Variants in LRMDA observed in about 807,000 individuals in gnomAD.
LRMDA encodes the protein leucine-rich melanocyte differentiation-associated protein.
A neutral mutation model predicts 29.8 loss-of-function variants in LRMDA; 18 were observed. The observed-to-expected ratio is 0.60, with a 90% CI of 0.42 to 0.90. The LOEUF is 0.90. Ranked by LOEUF, LRMDA falls within the 40% of genes least tolerant of loss-of-function variation. The pLI, the probability that LRMDA is intolerant of heterozygous loss-of-function variation, is 0.00. For synonymous variants in LRMDA, 125 were observed against 109.4 expected (o/e 1.14, Z -0.89); for missense variants, 273 against 273.9 (o/e 1.00, Z 0.02).
chr10:76,513,262 G>C (rs1843026199), intron 6 of LRMDA, among the ~76,000 whole-genome samples: 1 of 152,138 alleles, frequency 6.6e-6, no homozygotes, highest in South Asian at 2.1e-4. Flanking sequence ...TTTAGAGTTA[G>C]TTTCAAACCC....
intron 2 of LRMDA, among the ~76,000 whole-genome samples, chr10:75,838,541 C>T (rs562663901): frequency 6.6e-6 from 1 of 152,142 alleles, no homozygotes; most frequent in Non-Finnish European, 1.5e-5. Flanking sequence ...GTCATCCAGA[C>T]TGTGAGTTCA....
intron 5 of LRMDA, among the ~76,000 whole-genome samples, chr10:76,117,718 C>G (rs1849691230): frequency 6.6e-6 from 1 of 152,180 alleles, no homozygotes; most frequent in Admixed American, 6.5e-5. Context: ...TAGGACCAAA[C>G]TTTTCTGTGA....
chr10:75,632,029 G>T (rs1351320642), intron 2 of LRMDA, among the ~76,000 whole-genome samples: 1 of 152,056 alleles, frequency 6.6e-6, no homozygotes, highest in African/African-American at 2.4e-5. Flanking sequence ...TATTTTGTTG[G>T]CTCCTAATAT....
chr10:76,411,108 A>G (rs1043183433), intron 6 of LRMDA, among the ~76,000 whole-genome samples: 3 of 152,212 alleles, frequency 2.0e-5, no homozygotes, highest in Admixed American at 6.5e-5. Flanking sequence ...CCATGAGAGG[A>G]AATTTTTATG....
At chr10:75,928,042 ACATCATCATCATCAT>A (rs3042520) in intron 2 of LRMDA, among the ~76,000 whole-genome samples, 71 of 150,836 alleles carry the variant, frequency 4.7e-4, no homozygotes, top group Middle Eastern at 3.4e-3. Flanking sequence ...TTTTAGTTTA[ACATCATCATCATCAT>A]CATCATCATC....
intron 5 of LRMDA, among the ~76,000 whole-genome samples, chr10:76,183,145 C>A (rs936827612): frequency 2.6e-5 from 4 of 152,168 alleles, no homozygotes; most frequent in Non-Finnish European, 5.9e-5. Context: ...CTTCACAGAG[C>A]AAACTTACCT....
intron 6 of LRMDA, among the ~76,000 whole-genome samples, chr10:76,369,752 G>A (rs142776128): frequency 1.5e-3 from 230 of 152,204 alleles, no homozygotes; most frequent in African/African-American, 5.3e-3. Context: ...ACATGGAGCA[G>A]AGGACTCCAT....
intron 2 of LRMDA, among the ~76,000 whole-genome samples, chr10:75,751,333 G>GGGGAGA (rs1471817119): frequency 6.6e-5 from 10 of 151,680 alleles, no homozygotes; most frequent in Admixed American, 1.3e-4. Context: ...GAGGGAGACC[G>GGGGAGA]GGGAGAGGGA....
At chr10:76,398,024 A>G (rs147295278) in intron 6 of LRMDA, among the ~76,000 whole-genome samples, 3 of 152,240 alleles carry the variant, frequency 2.0e-5, no homozygotes, top group Admixed American at 6.5e-5. Flanking sequence ...TTACTTCTCT[A>G]TTTTGGGACA....
At chr10:75,712,446 TG>T (rs1189542325) in intron 2 of LRMDA, among the ~76,000 whole-genome samples, 3 of 54,028 alleles carry the variant, frequency 5.6e-5, no homozygotes, top group East Asian at 5.6e-4. Context: ...TGGGGGCGGT[TG>T]GGGGGGTGGT....
At chr10:76,179,548 G>C (rs1851005609) in intron 5 of LRMDA, among the ~76,000 whole-genome samples, 2 of 152,138 alleles carry the variant, frequency 1.3e-5, no homozygotes, top group Admixed American at 1.3e-4. Context: ...GAAGAACCCA[G>C]GACTGTCTTG....
chr10:76,224,846 T>C (rs971337142), intron 5 of LRMDA, among the ~76,000 whole-genome samples: 1 of 151,982 alleles, frequency 6.6e-6, no homozygotes, highest in Non-Finnish European at 1.5e-5. Context: ...ATTGAAGGGA[T>C]ATTGTGTCCT....
At chr10:76,150,702 A>G (rs1345995468) in intron 5 of LRMDA, among the ~76,000 whole-genome samples, 1 of 152,070 alleles carries the variant, frequency 6.6e-6, no homozygotes, top group Non-Finnish European at 1.5e-5. Context: ...GTTGTGTTTA[A>G]ATCCCCCCCA....
chr10:75,782,662 C>G, intron 2 of LRMDA: 1 of 1,034,644 alleles, frequency 9.7e-7, no homozygotes, highest in Non-Finnish European at 1.2e-6. Context: ...GACTTCTAGT[C>G]CTCGCTGCCG....
chr10:75,716,042 T>C (rs1287109336), intron 2 of LRMDA, among the ~76,000 whole-genome samples: 6 of 152,214 alleles, frequency 3.9e-5, no homozygotes, highest in Admixed American at 3.9e-4. Flanking sequence ...AGATGCAGCC[T>C]TCCAGTGGTG....
chr10:75,521,492 C>T (rs577202880), intron 2 of LRMDA, among the ~76,000 whole-genome samples: 10 of 152,300 alleles, frequency 6.6e-5, no homozygotes, highest in East Asian at 3.9e-4. Context: ...AGCAAGGCTC[C>T]GTGGGCGTGG....
At chr10:76,465,642 A>G (rs1842557208) in intron 6 of LRMDA, among the ~76,000 whole-genome samples, 1 of 152,144 alleles carries the variant, frequency 6.6e-6, no homozygotes, top group South Asian at 2.1e-4. Context: ...ATAATTTAAG[A>G]GAATTGTTTA....
rs1036455485 is a variant in LRMDA, at chr10:75,763,446, G to C, written c.132-272562G>C. On this transcript the variant is annotated intron_variant, in intron 2 of 6. Transcript: ENST00000611255. ...GTGAGAAGTTATGATTGATGGTTTGGGTTCTTTGGATTTTCATTTTTTAAA... is the reference window on the plus strand; with the variant it reads ...GTGAGAAGTTATGATTGATGGTTTGCGTTCTTTGGATTTTCATTTTTTAAA... 2.0e-5 allele frequency among the ~76,000 whole-genome samples: 3 copies of C among 152,170 alleles called. No individual in the cohort carries two copies. In the South Asian group the frequency reaches 6.2e-4, roughly 32 times the overall value.
chr10:75,882,488 C>G (rs1394290921), intron 2 of LRMDA, among the ~76,000 whole-genome samples: 1 of 152,104 alleles, frequency 6.6e-6, no homozygotes, highest in South Asian at 2.1e-4. Flanking sequence ...ACAGGTATCT[C>G]AAGATGGAGT....
Sources: gnomAD v4.1 joint callset for allele counts (sites outside exome capture counted in the v4.1 genomes callset) on GRCh38, gnomAD v4.1.1 for gene constraint, MANE v1.5 for transcripts, NCBI Gene and HGNC (gene_info 2026-07-23, HGNC 2026-07-21) for gene names.